Variants in DPYD observed in about 807,000 individuals in gnomAD.
DPYD encodes dihydropyrimidine dehydrogenase [NADP(+)].
In DPYD, 109 loss-of-function variants were observed where a neutral mutation model predicts 116.2. The ratio of observed to expected loss-of-function variants is 0.94; its 90% CI spans 0.80 to 1.10. The LOEUF is 1.10. Ranked by LOEUF, DPYD falls within the 50% of genes least tolerant of loss-of-function variation. DPYD has a pLI of 0.00. For missense variants in DPYD, 1,302 were observed against 1,254.5 expected (o/e 1.04, Z -0.57); for synonymous variants, 440 against 432.0 (o/e 1.02, Z -0.23).
At chr1:97,312,822 T>A (rs1667594837) in intron 16 of DPYD, among the ~76,000 whole-genome samples, 1 of 151,824 alleles carries the variant, frequency 6.6e-6, no homozygotes, top group South Asian at 2.1e-4. Context: ...CCAAAACACA[T>A]CAAACTCTAT....
At chr1:97,390,601 T>G (rs1672637980) in intron 14 of DPYD, among the ~76,000 whole-genome samples, 1 of 152,012 alleles carries the variant, frequency 6.6e-6, no homozygotes, top group African/African-American at 2.4e-5. Flanking sequence ...TGGTCATAAA[T>G]GAGACTAGTA....
intron 6 of DPYD, among the ~76,000 whole-genome samples, chr1:97,694,639 CA>C (rs1447435763): frequency 6.6e-6 from 1 of 152,124 alleles, no homozygotes; most frequent in African/African-American, 2.4e-5. Flanking sequence ...ATGAGTTGCT[CA>C]GGACCTAAAC....
intron 2 of DPYD, among the ~76,000 whole-genome samples, chr1:97,876,016 C>A (rs1298571016): frequency 6.6e-6 from 1 of 151,944 alleles, no homozygotes; most frequent in Non-Finnish European, 1.5e-5. Context: ...GCAAACTGAT[C>A]TCTTTATTCA....
intron 20 of DPYD, among the ~76,000 whole-genome samples, chr1:97,134,017 ATAT>A (rs1557883341): frequency 0.012 from 192 of 16,068 alleles, 14 homozygotes; most frequent in South Asian, 0.026. Context: ...AAAAAAAAAT[ATAT>A]ATATATATAT....
intron 20 of DPYD, among the ~76,000 whole-genome samples, chr1:97,137,125 G>A (rs1653868781): frequency 2.0e-5 from 3 of 152,258 alleles, no homozygotes; most frequent in East Asian, 1.9e-4. Context: ...GTACTGTGCC[G>A]TGCTTGTGTC....
chr1:97,915,258 T>A (rs1469848832), intron 1 of DPYD, among the ~76,000 whole-genome samples: 1 of 152,162 alleles, frequency 6.6e-6, no homozygotes, highest in Non-Finnish European at 1.5e-5. Context: ...TACAATGTTT[T>A]CTTTTTGTAC....
At chr1:97,390,193 A>C (rs770183948) in intron 14 of DPYD, among the ~76,000 whole-genome samples, 3 of 152,078 alleles carry the variant, frequency 2.0e-5, no homozygotes, top group Non-Finnish European at 4.4e-5. Context: ...TGTGAACTAC[A>C]TAGGAAATCC....
chr1:97,160,728 C>T (rs1655831199), intron 20 of DPYD, among the ~76,000 whole-genome samples: 1 of 152,098 alleles, frequency 6.6e-6, no homozygotes, highest in East Asian at 1.9e-4. Flanking sequence ...AAGTGTACAA[C>T]CTAAATTGTT....
At chr1:97,797,757 T>C (rs916812538) in intron 3 of DPYD, 1 of 152,046 alleles carries the variant, frequency 6.6e-6, no homozygotes, top group Non-Finnish European at 1.5e-5. Context: ...CCAGCACTAT[T>C]TTGCCATTTT....
At chr1:97,747,238 A>G (rs1664607217) in intron 3 of DPYD, among the ~76,000 whole-genome samples, 1 of 152,212 alleles carries the variant, frequency 6.6e-6, no homozygotes, top group South Asian at 2.1e-4. Flanking sequence ...CCAGAAAAAA[A>G]TACGTAAAAG....
At chr1:97,495,516 T>C (rs1679212064) in intron 13 of DPYD, among the ~76,000 whole-genome samples, 1 of 152,126 alleles carries the variant, frequency 6.6e-6, no homozygotes, top group East Asian at 1.9e-4. Flanking sequence ...CAAAATGGTT[T>C]GTTATATTGT....
intron 14 of DPYD, among the ~76,000 whole-genome samples, chr1:97,393,233 C>T (rs1672812658): frequency 6.6e-6 from 1 of 151,888 alleles, no homozygotes; most frequent in East Asian, 1.9e-4. Flanking sequence ...AGACATGCAA[C>T]TCTTCCTTTC....
chr1:97,135,786 TG>T (rs1653742815), intron 20 of DPYD, among the ~76,000 whole-genome samples: 1 of 152,196 alleles, frequency 6.6e-6, no homozygotes, highest in African/African-American at 2.4e-5. Flanking sequence ...GATTGATAGC[TG>T]TCTTTTAAAA....
At chr1:97,739,724 G>T (rs973005066) in intron 4 of DPYD, among the ~76,000 whole-genome samples, 1 of 151,796 alleles carries the variant, frequency 6.6e-6, no homozygotes, top group African/African-American at 2.4e-5. Flanking sequence ...ACACTTGGGC[G>T]AGCTCTCAAT....
chr1:97,527,659 C>A (rs1206447777), intron 12 of DPYD, among the ~76,000 whole-genome samples: 2 of 151,696 alleles, frequency 1.3e-5, no homozygotes, highest in Non-Finnish European at 2.9e-5. Context: ...CTCTGTTATA[C>A]CTCGTGGGGT....
intron 3 of DPYD, among the ~76,000 whole-genome samples, chr1:97,821,331 C>CAAAA (rs35940342): frequency 8.8e-6 from 1 of 113,836 alleles, no homozygotes; most frequent in Non-Finnish European, 1.7e-5. Flanking sequence ...AACTCCACCT[C>CAAAA]AAAAAAAAAA....
intron 14 of DPYD, among the ~76,000 whole-genome samples, chr1:97,391,418 G>A (rs189544980): frequency 5.3e-5 from 8 of 151,718 alleles, no homozygotes; most frequent in East Asian, 1.9e-4. Flanking sequence ...TATCTTTGTC[G>A]CCCACATCCA....
rs1398668862 is a variant in DPYD at position 97,729,996 on chromosome 1, A to T, written c.322-8325T>A. 1.3e-5 allele frequency among the ~76,000 whole-genome samples: 2 copies of T among 152,176 alleles called. 1 individual carries two copies. Among genetic ancestry groups the T allele is most frequent in the Non-Finnish European group, 2.9e-5 (2 of 68,038 alleles). On this transcript the variant is annotated intron_variant, in intron 4 of 22. Transcript: ENST00000370192. ...ACATTTCTTTTAAAGACCTTTATCA[A>T]TACTTCAGCTTTTTTCCAATTGGAA...
chr1:97,310,407 A>G (rs190796311), intron 16 of DPYD, among the ~76,000 whole-genome samples: 6 of 151,936 alleles, frequency 3.9e-5, no homozygotes, highest in Admixed American at 2.0e-4. Context: ...TCAGCCATCA[A>G]TTGTAAACTA....
Sources: gnomAD v4.1 joint callset for allele counts (sites outside exome capture counted in the v4.1 genomes callset) on GRCh38, gnomAD v4.1.1 for gene constraint, MANE v1.5 for transcripts, NCBI Gene and HGNC (gene_info 2026-07-23, HGNC 2026-07-21) for gene names.